Variants in EBF1 observed in about 807,000 individuals in gnomAD.
EBF1 encodes the protein transcription factor COE1.
Under a neutral mutation model 68.4 loss-of-function variants are expected in EBF1, and 10 were observed. The ratio of observed to expected loss-of-function variants is 0.15; its 90% CI spans 0.09 to 0.25. The LOEUF is 0.25. EBF1 is among the 10% of genes least tolerant of loss of function. EBF1 has a pLI of 1.00. For synonymous variants in EBF1, 298 were observed against 299.8 expected (o/e 0.99, Z 0.06); for missense variants, 509 against 794.4 (o/e 0.64, Z 4.32).
At chr5:159,084,600 C>A in intron 5 of EBF1, 66 bp downstream of exon 5, 7 of 1,348,442 alleles carry the variant, frequency 5.2e-6, no homozygotes, top group South Asian at 3.3e-5. Context: ...CAAAGTTCAC[C>A]AAGATTTGAA....
rs34744460 is a variant in EBF1 at position 158,924,852 on chromosome 5, CAAAAAA to C, written c.555-84748_555-84743del. 3.6e-3 allele frequency among the ~76,000 whole-genome samples: 182 copies of C among 50,890 alleles called. 1 individual carries two copies. The highest frequency in any genetic ancestry group is 5.9e-3 in the Non-Finnish European group (159 of 27,104). The allele number at this position is 50,890 out of a possible 152,430, so 33.4% of individuals were successfully genotyped here. ...TGGGCAACAGAGCGAGACTCTGTCT[CAAAAAA>C]AAAAAAAAAAAAAAAAAAGATAAAC... On this transcript the variant is annotated intron_variant, in intron 6 of 15. Coordinates refer to ENST00000313708, the MANE Select transcript of EBF1 (RefSeq NM_024007.5).
At chr5:158,713,839 C>T (rs1760016768) in intron 12 of EBF1, among the ~76,000 whole-genome samples, 1 of 152,150 alleles carries the variant, frequency 6.6e-6, no homozygotes. Context: ...AATAAAGCAC[C>T]AGTAACTCTC....
At chr5:158,861,446 T>C (rs146566602) in intron 6 of EBF1, among the ~76,000 whole-genome samples, 2 of 152,234 alleles carry the variant, frequency 1.3e-5, no homozygotes, top group Non-Finnish European at 2.9e-5. Flanking sequence ...AGTAAATAAA[T>C]GTCCACAAAG....
chr5:158,840,645 GTTTT>G (rs534374216), intron 6 of EBF1, among the ~76,000 whole-genome samples: 66 of 64,768 alleles, frequency 1.0e-3, no homozygotes, highest in Admixed American at 1.8e-3. Context: ...AATACCTCCT[GTTTT>G]TTTTTTTTTT....
At chr5:158,876,095 CTG>C (rs1261136541) in intron 6 of EBF1, among the ~76,000 whole-genome samples, 1 of 152,180 alleles carries the variant, frequency 6.6e-6, no homozygotes, top group African/African-American at 2.4e-5. Flanking sequence ...GGCCAAAAAA[CTG>C]TTCCATGGCA....
chr5:158,699,715 G>A (rs199747155), intron 15 of EBF1, among the ~76,000 whole-genome samples: 2 of 152,304 alleles, frequency 1.3e-5, no homozygotes, highest in East Asian at 3.9e-4. Flanking sequence ...CATAAAGTTG[G>A]GAGAAAGCAT....
chr5:158,837,831 G>A (rs1789178865), intron 7 of EBF1, among the ~76,000 whole-genome samples: 1 of 152,074 alleles, frequency 6.6e-6, no homozygotes, highest in Non-Finnish European at 1.5e-5. Flanking sequence ...GTTAATCCTG[G>A]TATACATTAG....
chr5:159,054,586 G>A (rs1774412487), intron 6 of EBF1, among the ~76,000 whole-genome samples: 1 of 152,180 alleles, frequency 6.6e-6, no homozygotes, highest in Non-Finnish European at 1.5e-5. Flanking sequence ...GATATTAGCA[G>A]AGCATATAAT....
chr5:158,847,574 GAGA>G (rs1472072375), intron 6 of EBF1, among the ~76,000 whole-genome samples: 1 of 152,226 alleles, frequency 6.6e-6, no homozygotes, highest in Non-Finnish European at 1.5e-5. Context: ...ATGTGTGGTA[GAGA>G]AGATGTTTAT....
intron 6 of EBF1, among the ~76,000 whole-genome samples, chr5:158,859,987 C>A (rs2128026998): frequency 6.6e-6 from 1 of 152,320 alleles, no homozygotes; most frequent in Middle Eastern, 3.4e-3. Flanking sequence ...GTTTATACAT[C>A]ACCGTTTGGT....
At chr5:158,851,236 G>A (rs752524823) in intron 6 of EBF1, among the ~76,000 whole-genome samples, 4 of 150,918 alleles carry the variant, frequency 2.7e-5, no homozygotes, top group South Asian at 2.1e-4. Flanking sequence ...TTAGCCAGGC[G>A]TGGTGGTGCA....
chr5:158,757,599 G>A (rs550483284), intron 10 of EBF1, among the ~76,000 whole-genome samples: 5 of 152,246 alleles, frequency 3.3e-5, no homozygotes, highest in African/African-American at 9.6e-5. Flanking sequence ...TGAAGATCAT[G>A]TTATACGCAC....
intron 9 of EBF1, among the ~76,000 whole-genome samples, chr5:158,778,348 G>C (rs1775732299): frequency 6.6e-6 from 1 of 152,060 alleles, no homozygotes; most frequent in Admixed American, 6.6e-5. Flanking sequence ...ATCCAGCCCT[G>C]GTATTTGACT....
At chr5:158,996,675 A>G (rs1761479095) in intron 6 of EBF1, among the ~76,000 whole-genome samples, 1 of 152,206 alleles carries the variant, frequency 6.6e-6, no homozygotes, top group East Asian at 1.9e-4. Flanking sequence ...AAGCAGCCTT[A>G]CAGGAACTGG....
chr5:158,808,372 C>A (rs1178729997), intron 8 of EBF1, among the ~76,000 whole-genome samples: 1 of 152,102 alleles, frequency 6.6e-6, no homozygotes, highest in East Asian at 1.9e-4. Flanking sequence ...CCTATCAAAA[C>A]CCAGATTAAC....
chr5:158,934,690 C>T (rs541504397), intron 6 of EBF1, among the ~76,000 whole-genome samples: 2 of 152,230 alleles, frequency 1.3e-5, no homozygotes, highest in African/African-American at 4.8e-5. Context: ...GTTAGAATTC[C>T]CACAAGTTAT....
At chr5:158,868,784 G>T (rs1274512938) in intron 6 of EBF1, among the ~76,000 whole-genome samples, 1 of 152,130 alleles carries the variant, frequency 6.6e-6, no homozygotes, top group Non-Finnish European at 1.5e-5. Flanking sequence ...TAGTGGTCAA[G>T]GGCCATGGCA....
Position 158,755,203 on chromosome 5 carries a change from T to C in EBF1, c.1036+22210A>G, listed in dbSNP as rs1020262073. Among the ~76,000 whole-genome samples the C allele has an allele frequency of 2.0e-5, 3 of 152,010 alleles. No homozygotes were observed. The East Asian group carries it at 5.8e-4, about 29-fold the overall frequency. On this transcript the variant is annotated intron_variant, in intron 10 of 15. Coordinates refer to ENST00000313708, the MANE Select transcript of EBF1 (RefSeq NM_024007.5). Reference sequence around the variant, plus strand: ...TTTTTTCACATATAAAGACTGCCCATTGCCCAATTTTAAGAAGATGGAGCT... The same window carrying C: ...TTTTTTCACATATAAAGACTGCCCACTGCCCAATTTTAAGAAGATGGAGCT...
chr5:158,774,532 A>G (rs1234397762), intron 10 of EBF1, among the ~76,000 whole-genome samples: 2 of 152,118 alleles, frequency 1.3e-5, no homozygotes, highest in African/African-American at 4.8e-5. Flanking sequence ...GGGTTAGCTC[A>G]CCCAATCCAG....
Sources: gnomAD v4.1 joint callset for allele counts (sites outside exome capture counted in the v4.1 genomes callset) on GRCh38, gnomAD v4.1.1 for gene constraint, MANE v1.5 for transcripts, NCBI Gene and HGNC (gene_info 2026-07-23, HGNC 2026-07-21) for gene names.